Variants in GPHN observed in about 807,000 individuals in gnomAD.
GPHN encodes the protein gephyrin.
Under a neutral mutation model 95.5 loss-of-function variants are expected in GPHN, and 17 were observed. The observed-to-expected ratio is 0.18, with a 90% CI of 0.12 to 0.27. GPHN has a LOEUF of 0.27. Among genes scored for constraint, GPHN ranks in the 10% least tolerant of loss-of-function variants. The pLI is 1.00. For synonymous variants in GPHN, 320 were observed against 322.5 expected, an observed-to-expected ratio of 0.99 and a Z score of 0.08; for missense variants, 660 against 978.1, an observed-to-expected ratio of 0.67 and a Z score of 4.34.
intron 2 of GPHN, among the ~76,000 whole-genome samples, chr14:66,731,496 CAA>C (rs1203542534): frequency 1.3e-5 from 2 of 152,146 alleles, no homozygotes; most frequent in African/African-American, 4.8e-5. Flanking sequence ...CTTGCTTTAG[CAA>C]AGAGACTAGT....
chr14:67,166,689 A>T (rs899571114), intron 20 of GPHN, among the ~76,000 whole-genome samples: 2 of 149,408 alleles, frequency 1.3e-5, no homozygotes, highest in African/African-American at 4.9e-5. Context: ...TTTGTTTTTG[A>T]GACAAGGTCT....
chr14:66,842,794 A>G, intron 4 of GPHN: 1 of 1,035,468 alleles, frequency 9.7e-7, no homozygotes, highest in Non-Finnish European at 1.4e-6. Context: ...TATCATCATA[A>G]AAAATGCTTG....
At chr14:67,016,684 T>C (rs2153621147) in intron 9 of GPHN, among the ~76,000 whole-genome samples, 1 of 152,204 alleles carries the variant, frequency 6.6e-6, no homozygotes, top group Non-Finnish European at 1.5e-5. Context: ...ATAACTTTAC[T>C]AAAATCATAC....
At chr14:67,592,731 AAATC>A in the GPHN span, 1 of 1,495,002 alleles carries the variant, frequency 6.7e-7, no homozygotes, top group Non-Finnish European at 9.3e-7. Flanking sequence ...GTAAGAAAAT[AAATC>A]AAATAGCAAA....
chr14:67,549,667 G>A, the GPHN span, among the ~76,000 whole-genome samples: 1 of 152,160 alleles, frequency 6.6e-6, no homozygotes, highest in Non-Finnish European at 1.5e-5. Context: ...GTTCTGTAGT[G>A]CTCGTGAACC....
chr14:67,456,853 C>A, the GPHN span, among the ~76,000 whole-genome samples: 1 of 152,066 alleles, frequency 6.6e-6, no homozygotes, highest in Admixed American at 6.5e-5. Context: ...GCACTATTCA[C>A]AATAGAAAAG....
chr14:67,573,859 T>C, the GPHN span: 5 of 1,613,500 alleles, frequency 3.1e-6, no homozygotes, highest in Non-Finnish European at 8.5e-7. This position sits in a 1 kb window ranked among gnomAD's most constrained non-coding sequence, Gnocchi z 4.8. Flanking sequence ...TGCCAAATTG[T>C]TCGAGGGGAG....
intron 11 of GPHN, among the ~76,000 whole-genome samples, chr14:67,083,894 G>A (rs2153664634): frequency 1.3e-5 from 2 of 152,244 alleles, no homozygotes; most frequent in South Asian, 4.2e-4. Context: ...ATCGAAGCTG[G>A]TTGTATTTGA....
chr14:66,859,048 A>G (rs2062917286), intron 4 of GPHN, among the ~76,000 whole-genome samples: 2 of 152,172 alleles, frequency 1.3e-5, no homozygotes, highest in South Asian at 4.1e-4. Context: ...GCTCCCAGAC[A>G]GCATCTCTGG....
At chr14:66,729,432 C>T (rs2071559507) in intron 2 of GPHN, among the ~76,000 whole-genome samples, 1 of 151,860 alleles carries the variant, frequency 6.6e-6, no homozygotes, top group South Asian at 2.1e-4. Context: ...GCAGTTTCAC[C>T]CTAAAAAGCA....
chr14:67,259,468 CG>C, the GPHN span, among the ~76,000 whole-genome samples: 3 of 151,756 alleles, frequency 2.0e-5, no homozygotes, highest in Non-Finnish European at 4.4e-5. Flanking sequence ...AAAAATCAGC[CG>C]GGTGTAGTGT....
chr14:67,358,737 G>C, the GPHN span, among the ~76,000 whole-genome samples: 1 of 152,156 alleles, frequency 6.6e-6, no homozygotes, highest in Non-Finnish European at 1.5e-5. Context: ...AACAGGATGA[G>C]GAGGAGAAAG....
rs776669765 is a variant in GPHN, at chr14:67,179,557, C to A, written c.2080-21C>A. 2.1e-6 allele frequency: 3 copies of A among 1,441,556 alleles called. No individual in the cohort carries two copies. The South Asian group carries it at 3.4e-5, about 16-fold the overall frequency. 89.3% of individuals were successfully genotyped at this position (1,441,556 alleles called of 1,614,324 possible). On this transcript the variant is annotated intron_variant, in intron 21 of 22. Transcript: ENST00000478722. ...ATGATCAGGTGACCAAGTTTGTTTT[C>A]TTTTCTACTTTATTCTGTAGTTATC...
chr14:67,171,711 A>G (rs1208551517), intron 21 of GPHN, among the ~76,000 whole-genome samples: 1 of 152,208 alleles, frequency 6.6e-6, no homozygotes, highest in Non-Finnish European at 1.5e-5. Context: ...AATGAAAAAA[A>G]ACTGAAGAAG....
chr14:66,593,473 G>A (rs1381157588), intron 1 of GPHN, among the ~76,000 whole-genome samples: 1 of 152,044 alleles, frequency 6.6e-6, no homozygotes, highest in Non-Finnish European at 1.5e-5. Flanking sequence ...TGTAATGGAA[G>A]CAAAGGGGGA....
the GPHN span, among the ~76,000 whole-genome samples, chr14:67,719,445 G>C: frequency 6.6e-6 from 1 of 152,232 alleles, no homozygotes; most frequent in South Asian, 2.1e-4. Context: ...CAGGTTATCA[G>C]GGTCTTTTTG....
intron 4 of GPHN, among the ~76,000 whole-genome samples, chr14:66,841,579 A>G (rs2062089777): frequency 6.6e-6 from 1 of 152,094 alleles, no homozygotes; most frequent in Non-Finnish European, 1.5e-5. Flanking sequence ...CAGGTATAAG[A>G]CCCAAGATTT....
chr14:66,970,087 T>TG (rs1567165107), intron 9 of GPHN, among the ~76,000 whole-genome samples: 4 of 137,324 alleles, frequency 2.9e-5, no homozygotes, highest in African/African-American at 1.2e-4. Context: ...CAAGTTGTGT[T>TG]TTTTTTTTTT....
At chr14:66,955,069 T>G (rs2068395597) in intron 8 of GPHN, among the ~76,000 whole-genome samples, 1 of 152,206 alleles carries the variant, frequency 6.6e-6, no homozygotes, top group African/African-American at 2.4e-5. Flanking sequence ...AGCCTGTAGT[T>G]TTTTTGTTCT....
Sources: allele counts gnomAD v4.1 joint callset (sites outside exome capture counted in the v4.1 genomes callset), GRCh38; gene constraint gnomAD v4.1.1; non-coding constraint Gnocchi (gnomAD v3.1); transcripts MANE v1.5; gene names NCBI Gene and HGNC (gene_info 2026-07-23, HGNC 2026-07-21).